CSMD3: variants seen among roughly 807,000 people sequenced by gnomAD.
The protein encoded by CSMD3 is CUB and sushi domain-containing protein 3.
Under a neutral mutation model 435.2 loss-of-function variants are expected in CSMD3, and 177 were observed. That is an observed-to-expected ratio of 0.41 (90% CI 0.36 to 0.46). The LOEUF (loss-of-function observed/expected upper bound fraction) is 0.46, where lower values mean the gene tolerates loss of function less well. CSMD3 is among the 20% of genes least tolerant of loss of function. CSMD3 has a pLI of 0.34. For missense variants in CSMD3, 4,265 were observed against 4,504.6 expected (o/e 0.95, Z 1.52); for synonymous variants, 1,656 against 1,520.5 (o/e 1.09, Z -2.07).
intron 1 of CSMD3, among the ~76,000 whole-genome samples, chr8:113,433,303 A>G (rs1298518367): frequency 2.0e-5 from 3 of 152,236 alleles, no homozygotes; most frequent in African/African-American, 7.2e-5. Context: ...GTTGGGAAAG[A>G]CTGTCGCCTT....
chr8:112,349,575 T>C (rs1210034925), intron 40 of CSMD3, among the ~76,000 whole-genome samples: 1 of 152,096 alleles, frequency 6.6e-6, no homozygotes, highest in East Asian at 1.9e-4. Flanking sequence ...CTCAATTGGA[T>C]ATACACATAA....
intron 61 of CSMD3, among the ~76,000 whole-genome samples, chr8:112,262,658 G>A (rs1816532510): frequency 6.6e-6 from 1 of 152,012 alleles, no homozygotes; most frequent in African/African-American, 2.4e-5. Context: ...AGGAATAAAA[G>A]GAAATTTCCA....
intron 13 of CSMD3, among the ~76,000 whole-genome samples, chr8:112,756,866 T>G (rs983994142): frequency 6.6e-6 from 1 of 151,816 alleles, no homozygotes; most frequent in Admixed American, 6.6e-5. Context: ...CCTCCTGGGT[T>G]CAAGCGATTC....
At chr8:112,552,455 G>T (rs939152919) in intron 26 of CSMD3, 139 bp downstream of exon 26, 2 of 788,644 alleles carry the variant, frequency 2.5e-6, no homozygotes, top group Non-Finnish European at 3.9e-6. Flanking sequence ...CCTGCCTTCC[G>T]GTCTGGATGT....
At chr8:113,149,255 C>T (rs146371751) in intron 4 of CSMD3, among the ~76,000 whole-genome samples, 85 of 151,990 alleles carry the variant, frequency 5.6e-4, no homozygotes, top group African/African-American at 1.9e-3. Flanking sequence ...TAGCCTCTGA[C>T]TGTATTTTGC....
At chr8:112,343,515 T>C (rs1390864361) in intron 41 of CSMD3, among the ~76,000 whole-genome samples, 1 of 152,300 alleles carries the variant, frequency 6.6e-6, no homozygotes, top group South Asian at 2.1e-4. Context: ...TGTTCAGGCA[T>C]GTTTAATTTT....
At position 112,656,307 on chromosome 8, in the gene CSMD3, C is replaced by A. The variant is rs747568084; in HGVS notation, c.2851G>T (p.Val951Phe). 15 of 1,613,484 alleles carry A rather than the reference C, an allele frequency of 9.3e-6. No homozygotes were observed. Among genetic ancestry groups the A allele is most frequent in the Non-Finnish European group, 1.2e-5 (14 of 1,179,632 alleles). The part of the protein sequence containing the change: ...QTELNYDVLE[V>F]HDGPNLLSPL... ...GACAGAAGATTTGGCCCATCATGAA[C>A]TTCCAGAACATCATAATTCAGTTCA... The change falls in exon 18 of 71, where the codon GTT becomes TTT. Residue 951 changes from valine (V) to phenylalanine (F), a missense_variant. Val to Phe is a conservative substitution (Grantham distance 50). Around this residue, in one of 3 missense-constraint regions of CSMD3, gnomAD observed 3,255 missense variants for 3,380.2 expected, o/e 0.96. Transcript: ENST00000297405.
At chr8:113,289,875 T>G (rs1183124515) in intron 2 of CSMD3, among the ~76,000 whole-genome samples, 1 of 151,738 alleles carries the variant, frequency 6.6e-6, no homozygotes, top group Non-Finnish European at 1.5e-5. Context: ...CAATAAGAAT[T>G]TAACTCAAAA....
intron 30 of CSMD3, 152 bp from the exon 31 acceptor site, chr8:112,492,835 G>T: frequency 1.4e-6 from 1 of 690,892 alleles, no homozygotes; most frequent in Non-Finnish European, 2.6e-6. Flanking sequence ...GACTTTTTTT[G>T]TCATTACTCC....
intron 22 of CSMD3, among the ~76,000 whole-genome samples, chr8:112,594,955 C>T (rs1235887577): frequency 8.6e-5 from 13 of 152,000 alleles, no homozygotes; most frequent in East Asian, 3.9e-4. Context: ...AAACGCAGAG[C>T]GCCTCTCCTC....
rs566772280 is a variant in CSMD3 at position 112,688,760 on chromosome 8, C to T, written c.2155+1108G>A. 9.7e-4 allele frequency among the ~76,000 whole-genome samples: 147 copies of T among 152,002 alleles called. 1 individual carries two copies. Among genetic ancestry groups the T allele is most frequent in the Non-Finnish European group, 4.1e-4 (28 of 67,906 alleles). ...ACATTATTAATCGCTACATTTTTAT[C>T]ATATATCAGGATATCAGACCTAATT... is the stretch of plus-strand genomic sequence containing the variant. On this transcript the variant is annotated intron_variant, in intron 14 of 70. Coordinates refer to ENST00000297405, the MANE Select transcript of CSMD3 (RefSeq NM_198123.2).
intron 58 of CSMD3, among the ~76,000 whole-genome samples, chr8:112,285,727 T>C (rs1008366902): frequency 2.0e-5 from 3 of 152,100 alleles, no homozygotes; most frequent in Admixed American, 1.3e-4. Context: ...CTTTTTATCT[T>C]TCTTTTTTTT....
In CSMD3 at chr8:112,224,743, G is replaced by C. The variant is rs2129755961; in HGVS notation, c.*28C>G. 6.2e-7 allele frequency: 1 copy of C among 1,613,010 alleles called. No homozygotes were observed. Among genetic ancestry groups the C allele is most frequent in the Non-Finnish European group, 8.5e-7 (1 of 1,178,974 alleles). On this transcript the variant is annotated 3_prime_UTR_variant, in exon 71 of 71. Transcript: ENST00000297405. ...CACTGTTTTGTGTGTCGATTTCCAA[G>C]CTTCTGAAGAAGGCAAAGGTTGCCT...
In CSMD3 at chr8:112,726,691, T is replaced by C. The variant is rs16883990; in HGVS notation, c.1973-36641A>G. 4.0e-3 allele frequency among the ~76,000 whole-genome samples: 601 copies of C among 151,998 alleles called. 14 individuals are homozygous for C. The East Asian group carries it at 0.074, about 19-fold the overall frequency. ...AACAGGATTTTAGCCTTTCCTATTTTGAAATTCTTCCTTTTCTCATAACTT... is the reference window on the plus strand; with the variant it reads ...AACAGGATTTTAGCCTTTCCTATTTCGAAATTCTTCCTTTTCTCATAACTT... On this transcript the variant is annotated intron_variant, in intron 13 of 70. Transcript: ENST00000297405.
intron 66 of CSMD3, among the ~76,000 whole-genome samples, chr8:112,238,866 A>G (rs1195975212): frequency 1.3e-5 from 2 of 152,058 alleles, no homozygotes; most frequent in Non-Finnish European, 2.9e-5. Context: ...ATAGCTATGA[A>G]GAATCCAGAT....
At chr8:113,223,234 T>A (rs1460544422) in intron 3 of CSMD3, among the ~76,000 whole-genome samples, 1 of 150,634 alleles carries the variant, frequency 6.6e-6, no homozygotes, top group Non-Finnish European at 1.5e-5. Flanking sequence ...GCTGCTTTTT[T>A]AAAGCAAGTC....
intron 3 of CSMD3, among the ~76,000 whole-genome samples, chr8:113,198,464 T>A (rs2092683540): frequency 6.6e-6 from 1 of 151,254 alleles, no homozygotes; most frequent in African/African-American, 2.4e-5. Flanking sequence ...TCAGCTCCAA[T>A]TTTTGGAGCT....
At chr8:112,534,810 C>T (rs922791804) in intron 27 of CSMD3, among the ~76,000 whole-genome samples, 21 of 152,170 alleles carry the variant, frequency 1.4e-4, no homozygotes, top group African/African-American at 4.8e-4. Context: ...AATCCAGCAG[C>T]ACATCAAAAA....
intron 11 of CSMD3, among the ~76,000 whole-genome samples, chr8:112,830,150 A>G (rs1487368186): frequency 7.2e-5 from 11 of 152,102 alleles, no homozygotes; most frequent in Admixed American, 6.6e-4. Context: ...TATAAAAAGT[A>G]TATGTAGGTG....
Sources: gnomAD v4.1 joint callset for allele counts (sites outside exome capture counted in the v4.1 genomes callset) on GRCh38, gnomAD v4.1.1 for gene constraint, gnomAD v4.1.1 regional missense constraint, MANE v1.5 for transcripts, NCBI Gene and HGNC (gene_info 2026-07-23, HGNC 2026-07-21) for gene names.